The following EPB41L2 variants were observed in gnomAD, a reference collection of about 807,000 sequenced individuals.
The protein encoded by EPB41L2 is band 4.1-like protein 2.
EPB41L2 carries 43 observed loss-of-function variants against 113.0 expected under a neutral mutation model. The ratio of observed to expected loss-of-function variants is 0.38; its 90% CI spans 0.30 to 0.49. The LOEUF (loss-of-function observed/expected upper bound fraction) is 0.49. Ranked by LOEUF, EPB41L2 falls within the 20% of genes least tolerant of loss-of-function variation. The pLI is 0.95. For missense variants in EPB41L2, 1,147 were observed against 1,223.4 expected (o/e 0.94, Z 0.93); for synonymous variants, 442 against 436.7 (o/e 1.01, Z -0.15).
At position 131,024,341 on chromosome 6, in the gene EPB41L2, G is replaced by A. The variant is rs1420763937; in HGVS notation, c.-15+38814C>T. ...GTGTTGGGTTTATGGTTAAGAGTGT[G>A]GCAGAGCTGCCAGGAAAGAGGTGTG... On this transcript the variant is annotated intron_variant, in intron 1 of 19. Transcript: ENST00000337057. Among the ~76,000 whole-genome samples, 4 of 152,148 alleles carry A rather than the reference G, an allele frequency of 2.6e-5. No homozygotes were observed. The East Asian group carries it at 7.7e-4, about 29-fold the overall frequency.
chr6:131,000,920 C>T (rs9321267), intron 1 of EPB41L2, among the ~76,000 whole-genome samples: 138,733 of 152,228 alleles, frequency 0.91, 63,420 homozygotes, highest in East Asian at 1. Flanking sequence ...CAAATTATTT[C>T]ACTTCTTTTT....
At chr6:131,021,383 G>C (rs747900358) in intron 1 of EPB41L2, among the ~76,000 whole-genome samples, 6 of 152,062 alleles carry the variant, frequency 3.9e-5, no homozygotes, top group Non-Finnish European at 8.8e-5. Context: ...AAACCTCCCA[G>C]TTGATACAAA....
intron 1 of EPB41L2, among the ~76,000 whole-genome samples, chr6:130,988,346 A>G (rs9402307): frequency 0.83 from 126,269 of 152,216 alleles, 52,885 homozygotes; most frequent in East Asian, 1. Context: ...TAACACCTAA[A>G]TTCTTAGAAA....
chr6:130,853,816 TC>T (rs1408060546), intron 19 of EPB41L2, among the ~76,000 whole-genome samples: 2 of 152,154 alleles, frequency 1.3e-5, no homozygotes, highest in Admixed American at 6.5e-5. Context: ...TGCAGACAGT[TC>T]CCCTTCTTTT....
At position 130,865,884 on chromosome 6, in the gene EPB41L2, C is replaced by A. The variant is rs1339845953; in HGVS notation, c.2731-250G>T. ...AGGAGAATGGACATAGTAGGTGGGA[C>A]TGAAAGCTACAAGGGAATTATGACA... On this transcript the variant is annotated intron_variant, in intron 16 of 19. Coordinates refer to ENST00000337057, the MANE Select transcript of EPB41L2 (RefSeq NM_001431.4). The A allele has an allele frequency of 4.4e-5, 18 of 408,376 alleles. No individual in the cohort carries two copies. In the Admixed American group the frequency reaches 7.7e-4, roughly 17 times the overall value. The allele number at this position is 408,376 out of a possible 1,614,324, so 25.3% of individuals were successfully genotyped here.
At chr6:130,890,222 G>A in intron 11 of EPB41L2, 72 bp downstream of exon 11, 3 of 1,469,826 alleles carry the variant, frequency 2.0e-6, no homozygotes, top group South Asian at 3.0e-5. Flanking sequence ...TTATTAACTG[G>A]ATTAACATTT....
At chr6:130,948,423 G>A (rs1000324048) in intron 3 of EPB41L2, among the ~76,000 whole-genome samples, 111 of 152,176 alleles carry the variant, frequency 7.3e-4, no homozygotes, top group African/African-American at 2.4e-3. Flanking sequence ...GGAAAGAGGC[G>A]AGTAGGCATA....
chr6:130,868,406 G>A (rs1324959727), intron 15 of EPB41L2: 4 of 152,188 alleles, frequency 2.6e-5, no homozygotes, highest in Non-Finnish European at 5.9e-5. Context: ...AGTCTGCCGA[G>A]TATGCATGCT....
intron 1 of EPB41L2, among the ~76,000 whole-genome samples, chr6:131,057,075 A>G (rs989351733): frequency 2.6e-5 from 4 of 152,210 alleles, no homozygotes; most frequent in African/African-American, 7.2e-5. Flanking sequence ...ATTAAAAAAA[A>G]AGAGAAAAAC....
chr6:130,937,635 A>G lies in EPB41L2; in HGVS notation c.706-10926T>C, dbSNP rs190810964. On this transcript the variant is annotated intron_variant, in intron 3 of 19. Coordinates refer to ENST00000337057, the MANE Select transcript of EPB41L2 (RefSeq NM_001431.4). ...GGAGTTCAAGACCAGCCTGGCCAAG[A>G]TGGTGAAACCATGTCTCTACAGAAA... 3.9e-3 allele frequency among the ~76,000 whole-genome samples: 592 copies of G among 152,336 alleles called. 2 individuals carry two copies. The highest frequency in any genetic ancestry group is 0.013 in the African/African-American group (550 of 41,582).
intron 13 of EPB41L2, 90 bp from the exon 14 acceptor site, chr6:130,878,340 A>G (rs542881070): frequency 2.8e-6 from 4 of 1,407,664 alleles, no homozygotes; most frequent in South Asian, 2.9e-5. Flanking sequence ...AAGACAAAGC[A>G]AACTTACGAT....
At chr6:130,922,818 C>A (rs1803312592) in intron 4 of EPB41L2, among the ~76,000 whole-genome samples, 1 of 152,146 alleles carries the variant, frequency 6.6e-6, no homozygotes, top group African/African-American at 2.4e-5. Flanking sequence ...TGGTTACAAG[C>A]CTCCATATGA....
At chr6:130,916,110 A>T (rs1800974494) in intron 4 of EPB41L2, among the ~76,000 whole-genome samples, 1 of 152,250 alleles carries the variant, frequency 6.6e-6, no homozygotes, top group Non-Finnish European at 1.5e-5. Context: ...TCTGAGAAGC[A>T]GCCTATAGAA....
chr6:130,914,437 G>C (rs1800329022), intron 4 of EPB41L2, among the ~76,000 whole-genome samples: 1 of 152,198 alleles, frequency 6.6e-6, no homozygotes, highest in Non-Finnish European at 1.5e-5. Flanking sequence ...TCACAGGCGA[G>C]ATGACATGAA....
rs1203283390 is a variant in EPB41L2 at position 130,869,809 on chromosome 6, T to C, written c.2361A>G (p.Val787=). The C allele has an allele frequency of 1.9e-6, 3 of 1,613,998 alleles. No homozygotes were observed. Among genetic ancestry groups the C allele is most frequent in the East Asian group, 2.2e-5 (1 of 44,868 alleles). ...CGGGCACTGCTTCCTCCCTCTCTAC[T>C]ACCTTGGCTGCCGGGCGGGGTTCTT... The part of the protein sequence containing the change: ...VEEEPRPAAK[V]VEREEAVPEA... Residue 787 remains valine (V), a synonymous_variant, in exon 15 of 20, where the codon GTA becomes GTG. Transcript: ENST00000337057.
intron 3 of EPB41L2, 142 bp from the exon 4 acceptor site, chr6:130,926,851 GATTA>G (rs1804917653): frequency 1.7e-6 from 1 of 580,250 alleles, no homozygotes; most frequent in African/African-American, 2.0e-5. Context: ...ATATAAAAGT[GATTA>G]ATTTTTTAAC....
chr6:130,918,727 A>G (rs1801914028), intron 4 of EPB41L2, among the ~76,000 whole-genome samples: 1 of 152,208 alleles, frequency 6.6e-6, no homozygotes, highest in African/African-American at 2.4e-5. Flanking sequence ...GTATACAAAT[A>G]ATCGTGGTTT....
At chr6:130,850,086 A>C in intron 19 of EPB41L2, among the ~76,000 whole-genome samples, 1 of 152,202 alleles carries the variant, frequency 6.6e-6, no homozygotes, top group Non-Finnish European at 1.5e-5. Context: ...AAAAATACAA[A>C]AATTAGCTGG....
intron 1 of EPB41L2, among the ~76,000 whole-genome samples, chr6:130,961,850 T>C (rs1773643809): frequency 6.6e-6 from 1 of 152,200 alleles, no homozygotes. Flanking sequence ...GGTATGTATT[T>C]CTAAGCTTCA....
Sources: gnomAD v4.1 joint callset for allele counts (sites outside exome capture counted in the v4.1 genomes callset) on GRCh38, gnomAD v4.1.1 for gene constraint, MANE v1.5 for transcripts, NCBI Gene and HGNC (gene_info 2026-07-23, HGNC 2026-07-21) for gene names.